The following MLIP variants were observed in gnomAD, a reference collection of about 807,000 sequenced individuals.
MLIP encodes muscular LMNA interacting protein, also known as muscular LMNA-interacting protein.
MLIP carries 79 observed loss-of-function variants against 84.8 expected under a neutral mutation model. That is an observed-to-expected ratio of 0.93 (90% confidence interval 0.78 to 1.12). MLIP has a LOEUF of 1.12. Ranked by LOEUF, MLIP falls within the 50% of genes most tolerant of loss-of-function variation. The pLI is 0.00. For synonymous variants in MLIP, 504 were observed against 463.0 expected (o/e 1.09, Z -1.14); for missense variants, 1,257 against 1,160.6 (o/e 1.08, Z -1.21).
chr6:54,090,966 G>A (rs757748675), intron 1 of MLIP, among the ~76,000 whole-genome samples: 1 of 152,100 alleles, frequency 6.6e-6, no homozygotes, highest in Non-Finnish European at 1.5e-5. Context: ...CTGTAAAGCA[G>A]TGTTTCTCAA....
intron 10 of MLIP, among the ~76,000 whole-genome samples, chr6:54,194,376 G>T (rs911662710): frequency 6.6e-6 from 1 of 152,034 alleles, no homozygotes; most frequent in African/African-American, 2.4e-5. Context: ...TATCAGGTAC[G>T]CCTCCTCAGG....
intron 1 of MLIP, among the ~76,000 whole-genome samples, chr6:54,056,004 T>G (rs1270885727): frequency 1.3e-5 from 2 of 152,178 alleles, no homozygotes; most frequent in Non-Finnish European, 2.9e-5. Flanking sequence ...ATTTATATAT[T>G]TTTTTAATAT....
At chr6:54,120,349 T>C (rs922543839) in intron 1 of MLIP, among the ~76,000 whole-genome samples, 7 of 152,096 alleles carry the variant, frequency 4.6e-5, no homozygotes, top group Non-Finnish European at 7.4e-5. Flanking sequence ...ATTCTCCTGC[T>C]TCAGCCTCCT....
intron 11 of MLIP, among the ~76,000 whole-genome samples, chr6:54,207,412 C>T (rs930749516): frequency 2.1e-5 from 3 of 140,372 alleles, no homozygotes; most frequent in East Asian, 4.4e-4. Context: ...CCTCTGCACC[C>T]CCCCCCCCTT....
rs529726091 is a variant in MLIP at position 54,225,163 on chromosome 6, A to G, written c.2719-5551A>G. Among the ~76,000 whole-genome samples, 4 of 152,292 alleles carry G rather than the reference A, an allele frequency of 2.6e-5. No homozygotes were observed. The South Asian group carries it at 8.3e-4, about 32-fold the overall frequency. Reference sequence around the variant, plus strand: ...ACTTTTAGTTCTTTAAGGAATCTCCACGCTGTTTTCCATAGCAACTGTACT... The same window carrying G: ...ACTTTTAGTTCTTTAAGGAATCTCCGCGCTGTTTTCCATAGCAACTGTACT... On this transcript the variant is annotated intron_variant, in intron 11 of 13. Transcript: ENST00000502396.
At chr6:54,092,937 C>A (rs956484671) in intron 1 of MLIP, among the ~76,000 whole-genome samples, 2 of 152,024 alleles carry the variant, frequency 1.3e-5, no homozygotes, top group African/African-American at 4.8e-5. Context: ...GGTGCAGTGG[C>A]ATGATCTTGG....
At position 54,196,059 on chromosome 6, in the gene MLIP, A is replaced by G. The variant is rs528769582; in HGVS notation, c.2590-6046A>G. On this transcript the variant is annotated intron_variant, in intron 10 of 13. Transcript: ENST00000502396. Reference sequence around the variant, plus strand: ...CCCACTTTCCTTCTTCTCATCCTCTATTGGAAAAATGCCATATGGCTCTTC... The same window carrying G: ...CCCACTTTCCTTCTTCTCATCCTCTGTTGGAAAAATGCCATATGGCTCTTC... Among the ~76,000 whole-genome samples the G allele has an allele frequency of 4.6e-5, 7 of 152,262 alleles. No homozygotes were observed. In the South Asian group the frequency reaches 1.5e-3, roughly 32 times the overall value.
In MLIP at chr6:54,152,023, A is replaced by G. The variant is rs183276313; in HGVS notation, c.2289+2896A>G. Among the ~76,000 whole-genome samples, 4 of 152,220 alleles carry G rather than the reference A, an allele frequency of 2.6e-5. No individual in the cohort carries two copies. The East Asian group carries it at 5.8e-4, about 22-fold the overall frequency. On this transcript the variant is annotated intron_variant, in intron 5 of 13. Coordinates refer to ENST00000502396, the MANE Select transcript of MLIP (RefSeq NM_001281747.2). ...TGTCTGCATCAAAATTTAAATTTAT[A>G]TCTTATTCCATATTCTATCATTTTT...
upstream of MLIP, chr6:54,111,357 T>C: frequency 6.3e-6 from 9 of 1,427,170 alleles, no homozygotes; most frequent in Non-Finnish European, 7.3e-6. Context: ...AATTTTGGAA[T>C]GACTCTGCTT....
intron 11 of MLIP, among the ~76,000 whole-genome samples, chr6:54,211,972 C>A (rs1779484505): frequency 6.6e-6 from 1 of 152,126 alleles, no homozygotes; most frequent in Admixed American, 6.5e-5. Context: ...AAGAACTTCT[C>A]CCTATTTGAC....
At chr6:54,221,379 T>G (rs977563763) in intron 11 of MLIP, among the ~76,000 whole-genome samples, 2 of 151,834 alleles carry the variant, frequency 1.3e-5, no homozygotes, top group African/African-American at 4.8e-5. Context: ...CAAACAAAAT[T>G]AATATTTAAC....
chr6:54,218,047 C>T (rs1435892662), intron 11 of MLIP: 2 of 955,316 alleles, frequency 2.1e-6, no homozygotes, highest in East Asian at 2.3e-4. Context: ...CCAAACCTGG[C>T]TCACCAGTGT....
intron 12 of MLIP, among the ~76,000 whole-genome samples, chr6:54,241,928 A>T (rs980406076): frequency 6.6e-6 from 1 of 152,224 alleles, no homozygotes; most frequent in African/African-American, 2.4e-5. Flanking sequence ...TAATAAGGCA[A>T]GGGAGAATCA....
At chr6:54,095,853 T>C (rs533761728) in intron 1 of MLIP, among the ~76,000 whole-genome samples, 2 of 152,238 alleles carry the variant, frequency 1.3e-5, no homozygotes, top group Admixed American at 6.5e-5. Context: ...TCAAGATGAA[T>C]TGCAAGTTTT....
intron 12 of MLIP, among the ~76,000 whole-genome samples, chr6:54,253,686 G>A (rs1562112149): frequency 6.6e-6 from 1 of 152,138 alleles, no homozygotes; most frequent in Non-Finnish European, 1.5e-5. Flanking sequence ...TACCTTGGAA[G>A]AGGCAGTGAT....
intron 2 of MLIP, among the ~76,000 whole-genome samples, chr6:54,123,126 G>C (rs944124428): frequency 1.3e-5 from 2 of 148,740 alleles, no homozygotes; most frequent in Non-Finnish European, 1.5e-5. Flanking sequence ...TAGTAGAGAC[G>C]GGGTTTAACC....
At chr6:54,200,893 C>A (rs1474293768) in intron 10 of MLIP, among the ~76,000 whole-genome samples, 1 of 152,094 alleles carries the variant, frequency 6.6e-6, no homozygotes, top group Non-Finnish European at 1.5e-5. Flanking sequence ...ATATCAGGTG[C>A]TTTATAGAGC....
In MLIP at chr6:54,174,937, T is replaced by C. The variant is rs557356022; in HGVS notation, c.2544+5365T>C. ...TTTGATTTTTACATATGGCAAGATATAGGGGGTCTAGTTTTATTCTTTTGC... is the reference window on the plus strand; with the variant it reads ...TTTGATTTTTACATATGGCAAGATACAGGGGGTCTAGTTTTATTCTTTTGC... On this transcript the variant is annotated intron_variant, in intron 9 of 13. Coordinates refer to ENST00000502396, the MANE Select transcript of MLIP (RefSeq NM_001281747.2). 3.3e-5 allele frequency among the ~76,000 whole-genome samples: 5 copies of C among 151,986 alleles called. No individual in the cohort carries two copies. The East Asian group carries it at 5.8e-4, about 18-fold the overall frequency.
chr6:54,034,672 TA>T (rs1349207790), intron 1 of MLIP, among the ~76,000 whole-genome samples: 1 of 152,088 alleles, frequency 6.6e-6, no homozygotes, highest in Non-Finnish European at 1.5e-5. Context: ...GTCAAAAAGT[TA>T]AAAAAATGTA....
Sources: gnomAD v4.1 joint callset for allele counts (sites outside exome capture counted in the v4.1 genomes callset) on GRCh38, gnomAD v4.1.1 for gene constraint, MANE v1.5 for transcripts, NCBI Gene and HGNC (gene_info 2026-07-23, HGNC 2026-07-21) for gene names.